PRKN: variants seen among roughly 807,000 people sequenced by gnomAD.
The protein encoded by PRKN is E3 ubiquitin-protein ligase parkin.
Under a neutral mutation model 59.5 loss-of-function variants are expected in PRKN, and 56 were observed. That is an observed-to-expected ratio of 0.94 (90% CI 0.76 to 1.18). PRKN has a LOEUF of 1.18. PRKN is among the 50% of genes most tolerant of loss of function. The pLI, the probability that PRKN is intolerant of heterozygous loss-of-function variation, is 0.00. For missense variants in PRKN, 657 were observed against 596.4 expected (o/e 1.10, Z -1.06); for synonymous variants, 250 against 222.1 (o/e 1.13, Z -1.12).
chr6:162,020,332 CAAAAAAAA>C (rs771141235), intron 5 of PRKN, among the ~76,000 whole-genome samples: 5,189 of 45,680 alleles, frequency 0.11, 83 homozygotes, highest in Middle Eastern at 0.17. Context: ...ACCAATGAAT[CAAAAAAAA>C]AAAAAAAAAA....
intron 4 of PRKN, among the ~76,000 whole-genome samples, chr6:162,118,909 GATA>G (rs1246054580): frequency 6.6e-6 from 1 of 152,130 alleles, no homozygotes; most frequent in Non-Finnish European, 1.5e-5. Context: ...TTCTAATTAT[GATA>G]ATAACTCATC....
At chr6:161,848,898 G>A (rs903174519) in intron 6 of PRKN, among the ~76,000 whole-genome samples, 97 of 152,116 alleles carry the variant, frequency 6.4e-4, no homozygotes, top group Non-Finnish European at 1.2e-3. Context: ...AGCTGGTTTG[G>A]GCATGGACAA....
intron 2 of PRKN, among the ~76,000 whole-genome samples, chr6:162,295,336 G>GA (rs1228354868): frequency 6.6e-6 from 1 of 152,128 alleles, no homozygotes; most frequent in Non-Finnish European, 1.5e-5. Flanking sequence ...GGGTTTGACA[G>GA]AATTTTAAAC....
In PRKN at chr6:161,639,292, G is replaced by A. The variant is rs1457709086; in HGVS notation, c.872-69876C>T. Among the ~76,000 whole-genome samples, 4 of 152,268 alleles carry A rather than the reference G, an allele frequency of 2.6e-5. No homozygotes were observed. The East Asian group carries it at 5.8e-4, about 22-fold the overall frequency. ...CAGAGCTCCTTCTAGACTCTGCTGT[G>A]GTCAAATGACCATTGGGGATCAGTC... On this transcript the variant is annotated intron_variant, in intron 7 of 11. Coordinates refer to ENST00000366898, the MANE Select transcript of PRKN (RefSeq NM_004562.3).
chr6:161,822,340 C>T (rs745360294), intron 6 of PRKN, among the ~76,000 whole-genome samples: 1 of 152,112 alleles, frequency 6.6e-6, no homozygotes, highest in Non-Finnish European at 1.5e-5. Flanking sequence ...GGAATGTAGA[C>T]GCAACAGCAG....
chr6:162,181,307 T>G lies in PRKN; in HGVS notation c.534+19824A>C, dbSNP rs149822977. Among the ~76,000 whole-genome samples, 9 of 152,314 alleles carry G rather than the reference T, an allele frequency of 5.9e-5. No individual in the cohort carries two copies. In the East Asian group the frequency reaches 1.7e-3, roughly 29 times the overall value. On this transcript the variant is annotated intron_variant, in intron 4 of 11. Coordinates refer to ENST00000366898, the MANE Select transcript of PRKN (RefSeq NM_004562.3). ...TAATTACATAAATCACACAAACCAT[T>G]TGCATATTTCTTTGCTATTTCTGGT...
rs1190969164 is a variant in PRKN, at chr6:161,348,971, GAGA to G, written c.*1125_*1127del. The stretch of plus-strand genomic sequence containing the variant: ...TATTCTAGTGAGTTTACTGTCCTAA[GAGA>G]AGGTCTCTCCTGGGGAACCCCTGGT... On this transcript the variant is annotated 3_prime_UTR_variant, in exon 12 of 12. Coordinates refer to ENST00000366898, the MANE Select transcript of PRKN (RefSeq NM_004562.3). The surrounding 1 kb of genome is among the most constrained non-coding windows in gnomAD (Gnocchi z 4.9). The G allele has an allele frequency of 4.9e-6, 1 of 202,066 alleles. No homozygotes were observed. The highest frequency in any genetic ancestry group is 1.0e-5 in the Non-Finnish European group (1 of 98,426). 12.5% of individuals were successfully genotyped at this position (202,066 alleles called of 1,614,324 possible).
chr6:162,594,022 C>A (rs532758529), intron 1 of PRKN, among the ~76,000 whole-genome samples: 1 of 151,986 alleles, frequency 6.6e-6, no homozygotes, highest in Non-Finnish European at 1.5e-5. Context: ...TGGTGGCGTG[C>A]GCCTGTAATC....
chr6:162,311,938 C>G (rs1243020342), intron 2 of PRKN, among the ~76,000 whole-genome samples: 1 of 151,960 alleles, frequency 6.6e-6, no homozygotes, highest in Non-Finnish European at 1.5e-5. Flanking sequence ...GTTTCAGATA[C>G]CCAGACAACA....
At chr6:162,116,370 C>G (rs764171928) in intron 4 of PRKN, among the ~76,000 whole-genome samples, 18 of 152,136 alleles carry the variant, frequency 1.2e-4, no homozygotes, top group Middle Eastern at 3.2e-3. Context: ...AGATTTGGGT[C>G]TCAATTGCTG....
chr6:162,037,737 G>A (rs367619665), intron 5 of PRKN, among the ~76,000 whole-genome samples: 86 of 152,028 alleles, frequency 5.7e-4, no homozygotes, highest in African/African-American at 2.1e-3. Flanking sequence ...AGTAGAGACA[G>A]GGTTTCACCA....
At chr6:162,237,346 C>T (rs569110343) in intron 3 of PRKN, among the ~76,000 whole-genome samples, 1 of 152,128 alleles carries the variant, frequency 6.6e-6, no homozygotes, top group African/African-American at 2.4e-5. Context: ...AAAACAACAA[C>T]AAAACAGCAC....
chr6:162,356,535 A>T (rs374239029), intron 2 of PRKN, among the ~76,000 whole-genome samples: 2 of 150,244 alleles, frequency 1.3e-5, no homozygotes, highest in Non-Finnish European at 3.0e-5. Flanking sequence ...TATATAATAC[A>T]TTTTTTTTTG....
At chr6:161,769,158 A>G (rs1298782769) in intron 7 of PRKN, among the ~76,000 whole-genome samples, 1 of 152,160 alleles carries the variant, frequency 6.6e-6, no homozygotes, top group Admixed American at 6.5e-5. Flanking sequence ...AGAAAATAAG[A>G]TTTTTACTTT....
chr6:162,183,119 T>C (rs1248602237), intron 4 of PRKN, among the ~76,000 whole-genome samples: 1 of 152,168 alleles, frequency 6.6e-6, no homozygotes, highest in African/African-American at 2.4e-5. Context: ...GCAGATAAAT[T>C]CCTGTCCAGA....
At chr6:162,184,202 A>G (rs1783923602) in intron 4 of PRKN, among the ~76,000 whole-genome samples, 1 of 152,176 alleles carries the variant, frequency 6.6e-6, no homozygotes. Context: ...CTTTTAATCA[A>G]TCAAATCCAA....
At chr6:162,000,950 G>C (rs546688113) in intron 5 of PRKN, among the ~76,000 whole-genome samples, 1 of 151,604 alleles carries the variant, frequency 6.6e-6, no homozygotes, top group East Asian at 1.9e-4. Flanking sequence ...AAGATCATTT[G>C]ACTATGTATG....
At chr6:161,872,022 C>A (rs1794360709) in intron 6 of PRKN, among the ~76,000 whole-genome samples, 1 of 152,134 alleles carries the variant, frequency 6.6e-6, no homozygotes. Flanking sequence ...ATTTCAGTGA[C>A]TCTTCACTGA....
chr6:162,380,427 A>ATG lies in PRKN; in HGVS notation c.171+62881_171+62882dup, dbSNP rs1275339367. 1.5e-3 allele frequency among the ~76,000 whole-genome samples: 195 copies of ATG among 128,294 alleles called. 3 individuals carry two copies. In the Middle Eastern group the frequency reaches 0.028, roughly 18 times the overall value. 84.2% of individuals were successfully genotyped at this position (128,294 alleles called of 152,430 possible). On this transcript the variant is annotated intron_variant, in intron 2 of 11. Transcript: ENST00000366898. ...TATATATATATACACACATATATATATGTGTGTATATATATATATGTATAT... is the reference window on the plus strand; with the variant it reads ...TATATATATATACACACATATATATATGTGTGTGTATATATATATATGTATAT...
Sources: allele counts gnomAD v4.1 joint callset (sites outside exome capture counted in the v4.1 genomes callset), GRCh38; gene constraint gnomAD v4.1.1; non-coding constraint Gnocchi (gnomAD v3.1); transcripts MANE v1.5; gene names NCBI Gene and HGNC (gene_info 2026-07-23, HGNC 2026-07-21).